Variants in SUCLG2 observed in about 807,000 individuals in gnomAD.
The protein encoded by SUCLG2 is succinate-CoA ligase GDP-forming subunit beta.
A neutral mutation model predicts 47.9 loss-of-function variants in SUCLG2; 42 were observed. The observed-to-expected ratio is 0.88, with a 90% CI of 0.69 to 1.14. The LOEUF (loss-of-function observed/expected upper bound fraction) is 1.14. Ranked by LOEUF, SUCLG2 falls within the 50% of genes most tolerant of loss-of-function variation. The pLI, the probability that SUCLG2 is intolerant of heterozygous loss-of-function variation, is 0.00. For synonymous variants in SUCLG2, 195 were observed against 197.3 expected (o/e 0.99, Z 0.10); for missense variants, 571 against 525.9 (o/e 1.09, Z -0.84).
intron 9 of SUCLG2, among the ~76,000 whole-genome samples, chr3:67,454,818 C>T (rs544762227): frequency 1.3e-5 from 2 of 152,042 alleles, no homozygotes; most frequent in African/African-American, 4.8e-5. Context: ...AAAAATTAGC[C>T]GGGCATGGTA....
intron 6 of SUCLG2, among the ~76,000 whole-genome samples, chr3:67,515,600 AC>A (rs1705923640): frequency 6.6e-6 from 1 of 152,206 alleles, no homozygotes; most frequent in South Asian, 2.1e-4. Flanking sequence ...AAATGCCTAA[AC>A]CACATCCTAG....
At chr3:67,493,017 T>C (rs1330329196) in intron 9 of SUCLG2, among the ~76,000 whole-genome samples, 1 of 152,234 alleles carries the variant, frequency 6.6e-6, no homozygotes, top group African/African-American at 2.4e-5. Flanking sequence ...ACTGGTGTTC[T>C]GTAATTTTGA....
At chr3:67,494,283 T>G (rs1171244160) in intron 9 of SUCLG2, among the ~76,000 whole-genome samples, 2 of 152,218 alleles carry the variant, frequency 1.3e-5, no homozygotes, top group Non-Finnish European at 2.9e-5. Context: ...TCTTCAGATA[T>G]TTTAGTAACC....
intron 9 of SUCLG2, among the ~76,000 whole-genome samples, chr3:67,483,568 C>T (rs918240106): frequency 2.6e-5 from 4 of 152,134 alleles, no homozygotes; most frequent in Admixed American, 1.3e-4. Context: ...CCAGTGTAAA[C>T]GATTTTCTAT....
chr3:67,520,318 C>A (rs1706061090), intron 5 of SUCLG2, among the ~76,000 whole-genome samples, 164 bp downstream of exon 5: 1 of 152,074 alleles, frequency 6.6e-6, no homozygotes. Flanking sequence ...TTGATTCCAC[C>A]CAACTTTCAA....
intron 9 of SUCLG2, among the ~76,000 whole-genome samples, chr3:67,457,768 C>T (rs917797022): frequency 1.5e-5 from 2 of 132,820 alleles, no homozygotes; most frequent in African/African-American, 5.9e-5. Flanking sequence ...TGCAAGAGAG[C>T]AATAACATTT....
At chr3:67,594,724 G>A (rs541624477) in intron 2 of SUCLG2, among the ~76,000 whole-genome samples, 3 of 152,162 alleles carry the variant, frequency 2.0e-5, no homozygotes, top group Non-Finnish European at 4.4e-5. Context: ...AAATCCCTTA[G>A]CCTGGTACCT....
At chr3:67,484,572 C>A (rs1177987158) in intron 9 of SUCLG2, among the ~76,000 whole-genome samples, 1 of 151,984 alleles carries the variant, frequency 6.6e-6, no homozygotes, top group East Asian at 1.9e-4. Flanking sequence ...AAGCTCTATA[C>A]CTTGGGTATT....
At chr3:67,469,293 A>G (rs1704545802) in intron 9 of SUCLG2, among the ~76,000 whole-genome samples, 1 of 152,222 alleles carries the variant, frequency 6.6e-6, no homozygotes, top group South Asian at 2.1e-4. Flanking sequence ...TGTGACTGTC[A>G]TGAGAGATTC....
chr3:67,418,998 AG>A lies in SUCLG2; in HGVS notation c.1063-18148del, dbSNP rs780227953. On this transcript the variant is annotated intron_variant, in intron 9 of 10. Coordinates refer to ENST00000307227, the MANE Select transcript of SUCLG2 (RefSeq NM_003848.4). ...CAAGTCATGGATTTAAAAAAAAAAAAGGTCTGCACAATGTTAGGATCAGAAT... is the reference window on the plus strand; with the variant it reads ...CAAGTCATGGATTTAAAAAAAAAAAAGTCTGCACAATGTTAGGATCAGAAT... Among the ~76,000 whole-genome samples the A allele has an allele frequency of 5.3e-5, 8 of 152,104 alleles. No individual in the cohort carries two copies. The East Asian group carries it at 1.4e-3, about 26-fold the overall frequency.
intron 9 of SUCLG2, among the ~76,000 whole-genome samples, chr3:67,422,068 G>A (rs1703171722): frequency 6.6e-6 from 1 of 152,166 alleles, no homozygotes; most frequent in African/African-American, 2.4e-5. Context: ...GAACAGAACT[G>A]AATGGCTGTC....
intron 10 of SUCLG2, among the ~76,000 whole-genome samples, chr3:67,389,445 T>C (rs1421788294): frequency 6.6e-6 from 1 of 152,170 alleles, no homozygotes; most frequent in Non-Finnish European, 1.5e-5. Context: ...TGCAGAACTG[T>C]GGTTTTCAAA....
chr3:67,580,194 T>C (rs1481910223), intron 2 of SUCLG2, among the ~76,000 whole-genome samples: 1 of 152,176 alleles, frequency 6.6e-6, no homozygotes, highest in Non-Finnish European at 1.5e-5. Flanking sequence ...CTCTTTTTTT[T>C]CTAGCATATT....
At chr3:67,380,684 G>A (rs34973052) in intron 10 of SUCLG2, among the ~76,000 whole-genome samples, 29,705 of 124,594 alleles carry the variant, frequency 0.24, 3,588 homozygotes, top group South Asian at 0.32. Context: ...GGGGAAAGGG[G>A]GGTAGAGAGA....
At chr3:67,438,657 GACACAT>G (rs931839613) in intron 9 of SUCLG2, among the ~76,000 whole-genome samples, 9 of 152,058 alleles carry the variant, frequency 5.9e-5, no homozygotes, top group African/African-American at 2.2e-4. Flanking sequence ...TAAATTCCTG[GACACAT>G]ACACCCTCCC....
At chr3:67,575,102 G>T (rs2634728) in intron 2 of SUCLG2, among the ~76,000 whole-genome samples, 146,381 of 152,316 alleles carry the variant, frequency 0.96, 70,602 homozygotes, top group East Asian at 1. Context: ...GCATTGATAA[G>T]GGGACTGTAA....
chr3:67,404,962 A>G (rs1445868619), intron 9 of SUCLG2, among the ~76,000 whole-genome samples: 2 of 145,228 alleles, frequency 1.4e-5, no homozygotes, highest in African/African-American at 5.2e-5. Flanking sequence ...CCCCCTGGCA[A>G]AGAGAATTTT....
intron 10 of SUCLG2, chr3:67,376,316 C>T: frequency 1.0e-6 from 1 of 985,394 alleles, no homozygotes; most frequent in Non-Finnish European, 1.2e-6. Context: ...TCCATTTCTG[C>T]CTTCTCCTCA....
In SUCLG2 at chr3:67,400,774, G is replaced by C. The variant is rs1702665461; in HGVS notation, c.1140C>G (p.Cys380Trp). The change falls in exon 10 of 11, where the codon TGC (cysteine) becomes TGG (tryptophan). Residue 380 changes from cysteine to tryptophan, a missense_variant. By Grantham distance (215) the Cys-to-Trp change is radical. Transcript: ENST00000307227. ...GGGGCACCTTGAGTTCTAGCTCCCG[G>C]CAGGCTTTGGTGATCCCATTGGCAA... ...AIIANGITKA[C>W]RELELKVPLV... 6.2e-7 allele frequency: 1 copy of C among 1,611,822 alleles called. No homozygotes were observed. The highest frequency in any genetic ancestry group is 8.5e-7 in the Non-Finnish European group (1 of 1,179,842).
Sources: gnomAD v4.1 joint callset for allele counts (sites outside exome capture counted in the v4.1 genomes callset) on GRCh38, gnomAD v4.1.1 for gene constraint, MANE v1.5 for transcripts, NCBI Gene and HGNC (gene_info 2026-07-23, HGNC 2026-07-21) for gene names.